Variants in MARK3 observed in about 807,000 individuals in gnomAD.
MARK3 encodes the protein microtubule affinity regulating kinase 3, also known as MAP/microtubule affinity-regulating kinase 3.
A neutral mutation model predicts 90.1 loss-of-function variants in MARK3; 46 were observed. The observed-to-expected ratio is 0.51, with a 90% CI of 0.40 to 0.65. MARK3 has a LOEUF of 0.65. Ranked by LOEUF, MARK3 falls within the 30% of genes least tolerant of loss-of-function variation. MARK3 has a pLI of 0.00. For missense variants in MARK3, 818 were observed against 947.2 expected (o/e 0.86, Z 1.79); for synonymous variants, 321 against 332.6 (o/e 0.97, Z 0.38).
chr14:103,450,376 C>A (rs1017935773), intron 4 of MARK3, among the ~76,000 whole-genome samples: 1 of 152,104 alleles, frequency 6.6e-6, no homozygotes, highest in Non-Finnish European at 1.5e-5. Flanking sequence ...ATCACTGTTG[C>A]CTAGAACAAG....
At chr14:103,450,878 GTGTGTGTGTGTGTGTGTGTGTGTGTGT>G in intron 4 of MARK3, among the ~76,000 whole-genome samples, 1 of 12,894 alleles carries the variant, frequency 7.8e-5, no homozygotes, top group Non-Finnish European at 1.7e-4. Context: ...TTTTTAAAGT[GTGTGTGTGTGTGTGTGTGTGTGTGTGT>G]GTGTGTGTGT....
At chr14:103,416,287 G>GGTA (rs1224408335) in intron 2 of MARK3, among the ~76,000 whole-genome samples, 2 of 152,270 alleles carry the variant, frequency 1.3e-5, no homozygotes, top group East Asian at 3.9e-4. Flanking sequence ...TAAGTGGGAT[G>GGTA]GTAGCTACAG....
intron 4 of MARK3, among the ~76,000 whole-genome samples, chr14:103,449,223 A>G (rs1296383523): frequency 6.6e-6 from 1 of 151,714 alleles, no homozygotes; most frequent in African/African-American, 2.4e-5. Flanking sequence ...TAAGTATATT[A>G]GAAAATATAA....
chr14:103,403,744 A>G (rs1231618850), intron 1 of MARK3, among the ~76,000 whole-genome samples: 1 of 152,214 alleles, frequency 6.6e-6, no homozygotes, highest in Non-Finnish European at 1.5e-5. Flanking sequence ...TTAGTGTCAA[A>G]GCTTTATTAT....
chr14:103,410,562 G>A (rs1351201552), intron 2 of MARK3, among the ~76,000 whole-genome samples: 4 of 152,098 alleles, frequency 2.6e-5, no homozygotes, highest in African/African-American at 9.7e-5. Context: ...CTGGCCACCC[G>A]CAGTAGCTCA....
chr14:103,476,390 TTCATGGA>T (rs1406453761), intron 13 of MARK3, among the ~76,000 whole-genome samples: 2 of 152,186 alleles, frequency 1.3e-5, no homozygotes, highest in Admixed American at 1.3e-4. Flanking sequence ...TCAGTGCTTT[TTCATGGA>T]TTAGCTACAT....
intron 2 of MARK3, among the ~76,000 whole-genome samples, chr14:103,416,640 C>T (rs996643276): frequency 1.3e-5 from 2 of 152,204 alleles, no homozygotes; most frequent in East Asian, 1.9e-4. Context: ...GGCATGGTGG[C>T]GTGCCCCTGT....
chr14:103,432,933 A>C (rs2092623169), intron 3 of MARK3, among the ~76,000 whole-genome samples: 1 of 152,126 alleles, frequency 6.6e-6, no homozygotes, highest in African/African-American at 2.4e-5. Context: ...AGGGACAGGG[A>C]AACAGAACAA....
intron 3 of MARK3, among the ~76,000 whole-genome samples, chr14:103,432,870 G>GCAAAGAA (rs934850461): frequency 6.6e-6 from 1 of 151,928 alleles, no homozygotes; most frequent in African/African-American, 2.4e-5. Context: ...AAAAGCTGAA[G>GCAAAGAA]CAAAGAACAA....
chr14:103,478,873 G>A (rs576130607), intron 13 of MARK3, among the ~76,000 whole-genome samples: 1 of 152,242 alleles, frequency 6.6e-6, no homozygotes, highest in South Asian at 2.1e-4. Flanking sequence ...TCTTTTGGGG[G>A]TAATATTCCA....
At position 103,457,254 on chromosome 14, in the gene MARK3, A is replaced by G. The variant is rs759587554; in HGVS notation, c.483+42A>G. 2.8e-6 allele frequency: 4 copies of G among 1,407,868 alleles called. No individual in the cohort carries two copies. The Admixed American group carries it at 6.8e-5, about 24-fold the overall frequency. The allele number at this position is 1,407,868 out of a possible 1,614,324, so 87.2% of individuals were successfully genotyped here. A position where few individuals can be genotyped will look rare whatever the true frequency, so the allele number is the denominator to read the frequency against. Reference sequence around the variant, plus strand: ...CTTTACTATGTCAATTTGATAATTTATCTCACTTAAACCCTGAAGCAAACA... The same window carrying G: ...CTTTACTATGTCAATTTGATAATTTGTCTCACTTAAACCCTGAAGCAAACA... On this transcript the variant is annotated intron_variant, in intron 6 of 17. Coordinates refer to ENST00000429436, the MANE Select transcript of MARK3 (RefSeq NM_001128918.3).
chr14:103,442,980 G>T (rs1449876192), intron 3 of MARK3, among the ~76,000 whole-genome samples: 6 of 149,050 alleles, frequency 4.0e-5, no homozygotes, highest in African/African-American at 1.5e-4. Context: ...GAGAAGAGAG[G>T]CAATGAAATA....
intron 15 of MARK3, among the ~76,000 whole-genome samples, chr14:103,492,599 T>C (rs924174848): frequency 6.6e-6 from 1 of 152,176 alleles, no homozygotes; most frequent in Non-Finnish European, 1.5e-5. Context: ...TCTGGTTTAT[T>C]ATCAAAAAAT....
chr14:103,425,953 G>T (rs1371353826), intron 2 of MARK3, among the ~76,000 whole-genome samples: 1 of 152,202 alleles, frequency 6.6e-6, no homozygotes, highest in South Asian at 2.1e-4. Context: ...TTTAGACCAA[G>T]TTAAGCAGGG....
intron 3 of MARK3, among the ~76,000 whole-genome samples, 169 bp downstream of exon 3, chr14:103,428,609 A>T (rs1056821138): frequency 2.0e-5 from 3 of 152,180 alleles, no homozygotes; most frequent in Non-Finnish European, 4.4e-5. Flanking sequence ...TTGTTGGGTT[A>T]TCTTTGGTCG....
At chr14:103,492,507 T>G (rs917599587) in intron 15 of MARK3, among the ~76,000 whole-genome samples, 8 of 152,188 alleles carry the variant, frequency 5.3e-5, no homozygotes, top group Admixed American at 4.6e-4. Flanking sequence ...GTCCAAATCT[T>G]GAAAGTTTCT....
chr14:103,427,497 C>CAAAAAAAAAAAAAAAA (rs71126021), intron 2 of MARK3, among the ~76,000 whole-genome samples: 7 of 110,818 alleles, frequency 6.3e-5, no homozygotes, highest in Admixed American at 1.1e-4. Flanking sequence ...GAGACTGTTT[C>CAAAAAAAAAAAAAAAA]AAAAAAAAAA....
In MARK3 at chr14:103,433,491, C is replaced by T. The variant is rs560639128; in HGVS notation, c.297+5051C>T. ...GGTGGATCACCTGAGGCCAGGGGTT[C>T]GAGACCAGCCTAGCCAGCATGGTGA... On this transcript the variant is annotated intron_variant, in intron 3 of 17. Transcript: ENST00000429436. Among the ~76,000 whole-genome samples the T allele has an allele frequency of 1.1e-3, 168 of 152,090 alleles. 2 individuals are homozygous for T. The highest frequency in any genetic ancestry group is 9.0e-4 in the Non-Finnish European group (61 of 67,972).
At chr14:103,486,686 T>A (rs899690439) in intron 14 of MARK3, among the ~76,000 whole-genome samples, 1 of 152,156 alleles carries the variant, frequency 6.6e-6, no homozygotes, top group African/African-American at 2.4e-5. Context: ...ATGTTGGGGC[T>A]GCCTGTTGTA....
Sources: gnomAD v4.1 joint callset for allele counts (sites outside exome capture counted in the v4.1 genomes callset) on GRCh38, gnomAD v4.1.1 for gene constraint, MANE v1.5 for transcripts, NCBI Gene and HGNC (gene_info 2026-07-23, HGNC 2026-07-21) for gene names.